The following CAMKMT variants were observed in gnomAD, a reference collection of about 807,000 sequenced individuals.
CAMKMT encodes the protein CaM KMT.
In CAMKMT, 53 loss-of-function variants were observed where a neutral mutation model predicts 48.0. The observed-to-expected ratio is 1.10, with a 90% CI of 0.89 to 1.39. The LOEUF (loss-of-function observed/expected upper bound fraction) is 1.39, where lower values mean the gene tolerates loss of function less well. CAMKMT is among the 40% of genes most tolerant of loss of function. The probability of loss-of-function intolerance (pLI) is 0.00; values close to 1 mark genes in which losing one functional copy is unlikely to be tolerated. For synonymous variants in CAMKMT, 165 were observed against 152.3 expected, an observed-to-expected ratio of 1.08 and a Z score of -0.61; for missense variants, 428 against 402.7, an observed-to-expected ratio of 1.06 and a Z score of -0.54.
At chr2:44,398,802 G>A (rs1025911087) in intron 3 of CAMKMT, among the ~76,000 whole-genome samples, 3 of 152,032 alleles carry the variant, frequency 2.0e-5, no homozygotes, top group African/African-American at 7.2e-5. Context: ...TGTTATATTT[G>A]ACATTTATAT....
chr2:44,561,272 G>A (rs965957395), intron 3 of CAMKMT, among the ~76,000 whole-genome samples: 1 of 152,138 alleles, frequency 6.6e-6, no homozygotes, highest in Non-Finnish European at 1.5e-5. Context: ...TCATGGTTTT[G>A]TATCTAGACT....
chr2:44,608,240 T>C (rs1671406947), intron 3 of CAMKMT, among the ~76,000 whole-genome samples: 1 of 151,786 alleles, frequency 6.6e-6, no homozygotes, highest in Admixed American at 6.6e-5. Context: ...GCCTGGCTAA[T>C]TTTTTGTATT....
chr2:44,612,494 C>T (rs1837118), intron 3 of CAMKMT, among the ~76,000 whole-genome samples: 97,318 of 152,014 alleles, frequency 0.64, 31,647 homozygotes, highest in Middle Eastern at 0.71. Context: ...ATTTCAGTAG[C>T]AGTAATTTCC....
intron 3 of CAMKMT, among the ~76,000 whole-genome samples, chr2:44,597,452 C>T (rs1670730250): frequency 6.6e-6 from 1 of 152,176 alleles, no homozygotes; most frequent in Non-Finnish European, 1.5e-5. Context: ...ATGTCACATT[C>T]TGAACTCTTT....
chr2:44,481,795 A>G (rs1437657300), intron 3 of CAMKMT, among the ~76,000 whole-genome samples: 1 of 152,100 alleles, frequency 6.6e-6, no homozygotes, highest in Non-Finnish European at 1.5e-5. Flanking sequence ...TCAGAAATTG[A>G]ATGTATGCTG....
Position 44,772,301 on chromosome 2 carries a change from T to C in CAMKMT, c.*188T>C. 1.8e-6 allele frequency: 1 copy of C among 544,006 alleles called. No homozygotes were observed. The highest frequency in any genetic ancestry group is 3.3e-6 in the Non-Finnish European group (1 of 307,226). 33.7% of individuals were successfully genotyped at this position (544,006 alleles called of 1,614,324 possible). A position where few individuals can be genotyped will look rare whatever the true frequency, so the allele number is the denominator to read the frequency against. On this transcript the variant is annotated 3_prime_UTR_variant, in exon 11 of 11. Transcript: ENST00000378494. ...TGCCCTCTCCAGCTCCCTCCCCGCC[T>C]CTTTTTACACTCTGCTTGTTGCTCG...
At chr2:44,395,069 T>C (rs906749966) in intron 3 of CAMKMT, 6 of 426,162 alleles carry the variant, frequency 1.4e-5, no homozygotes, top group Admixed American at 2.7e-5. Flanking sequence ...ACTTTTTACT[T>C]GTATTTAGGA....
chr2:44,768,002 G>C (rs149014222), intron 10 of CAMKMT, among the ~76,000 whole-genome samples: 43 of 152,248 alleles, frequency 2.8e-4, no homozygotes, highest in African/African-American at 9.6e-4. Flanking sequence ...GATACCCTCC[G>C]TCTCCTCCCT....
At chr2:44,516,967 C>T (rs559018565) in intron 3 of CAMKMT, among the ~76,000 whole-genome samples, 1 of 152,216 alleles carries the variant, frequency 6.6e-6, no homozygotes, top group East Asian at 1.9e-4. Flanking sequence ...GATTCAAACT[C>T]CTGACCTCAA....
chr2:44,430,048 T>C (rs545351754), intron 3 of CAMKMT, among the ~76,000 whole-genome samples: 3 of 152,184 alleles, frequency 2.0e-5, no homozygotes, highest in South Asian at 4.1e-4. Flanking sequence ...GGGGAAATTA[T>C]GACTTCTTGA....
chr2:44,463,562 A>T (rs1476583451), intron 3 of CAMKMT, among the ~76,000 whole-genome samples: 2 of 152,144 alleles, frequency 1.3e-5, no homozygotes, highest in African/African-American at 4.8e-5. Context: ...GGCTGCCCAG[A>T]ATGTTGATTT....
intron 3 of CAMKMT, among the ~76,000 whole-genome samples, chr2:44,482,231 A>G (rs1035400414): frequency 2.0e-5 from 3 of 152,164 alleles, no homozygotes; most frequent in African/African-American, 4.8e-5. Context: ...AACAAGTAGT[A>G]AATGGAATTT....
intron 3 of CAMKMT, among the ~76,000 whole-genome samples, chr2:44,425,515 A>T (rs1067369): frequency 0.75 from 114,565 of 152,144 alleles, 44,285 homozygotes; most frequent in African/African-American, 0.89. Flanking sequence ...GAAAAGGCTG[A>T]GACTCATTTT....
chr2:44,724,920 G>A (rs547177109), intron 7 of CAMKMT, among the ~76,000 whole-genome samples: 3 of 152,230 alleles, frequency 2.0e-5, no homozygotes, highest in East Asian at 3.9e-4. Flanking sequence ...AATCATATGG[G>A]ACATTTTTGT....
chr2:44,614,006 T>A (rs1482547993), intron 3 of CAMKMT, among the ~76,000 whole-genome samples: 1 of 152,186 alleles, frequency 6.6e-6, no homozygotes, highest in Non-Finnish European at 1.5e-5. Context: ...TGAAAAGCCC[T>A]ATAAAATAGA....
chr2:44,759,339 T>G (rs910972922), intron 9 of CAMKMT, among the ~76,000 whole-genome samples: 3 of 152,190 alleles, frequency 2.0e-5, no homozygotes, highest in Admixed American at 2.0e-4. Context: ...CAGGCTGGTC[T>G]TGAACTCCTG....
intron 3 of CAMKMT, among the ~76,000 whole-genome samples, chr2:44,685,002 G>A (rs1194108190): frequency 2.0e-5 from 3 of 151,930 alleles, no homozygotes; most frequent in Admixed American, 2.0e-4. Context: ...CTGAGTTCTA[G>A]GTTTAGAACA....
chr2:44,363,180 A>G (rs1057268594), intron 1 of CAMKMT, among the ~76,000 whole-genome samples: 1 of 152,228 alleles, frequency 6.6e-6, no homozygotes, highest in Non-Finnish European at 1.5e-5. Context: ...ATTTGCTGAT[A>G]CATTGACAGT....
intron 3 of CAMKMT, among the ~76,000 whole-genome samples, chr2:44,673,999 T>C (rs17032506): frequency 0.045 from 6,809 of 152,250 alleles, 504 homozygotes; most frequent in African/African-American, 0.16. Context: ...GTTTGAATCA[T>C]GTTTGCTATT....
Sources: allele counts gnomAD v4.1 joint callset (sites outside exome capture counted in the v4.1 genomes callset), GRCh38; gene constraint gnomAD v4.1.1; transcripts MANE v1.5; gene names NCBI Gene and HGNC (gene_info 2026-07-23, HGNC 2026-07-21).